TCHHL1: variants seen among roughly 807,000 people sequenced by gnomAD.
TCHHL1 encodes trichohyalin-like protein 1.
A neutral mutation model predicts 3.5 loss-of-function variants in TCHHL1; 1 was observed. The observed-to-expected ratio is 0.29, with a 90% CI of 0.10 to 1.36. The LOEUF is 1.36. Among genes scored for constraint, TCHHL1 ranks in the 40% most tolerant of loss-of-function variants. TCHHL1 has a pLI of 0.43. For missense variants in TCHHL1, 1,027 were observed against 1,032.8 expected (o/e 0.99, Z 0.08); for synonymous variants, 405 against 375.3 (o/e 1.08, Z -0.92).
At position 152,086,089 on chromosome 1, in the gene TCHHL1, C is replaced by A; in HGVS notation, c.1593G>T (p.Gln531His). The change falls in exon 3 of 3, where the codon CAG (glutamine) becomes CAT (histidine). Residue 531 changes from glutamine (Q) to histidine (H), a missense_variant. Transcript: ENST00000368806. ...TGAATGGTGACTCAGGGTCCTCCCC[C>A]TGGTAACCATCCTCCTCCTCAACTG... The part of the protein sequence containing the change: ...DQPVEEEDGY[Q>H]GEDPESPFTQ... 6.2e-7 allele frequency: 1 copy of A among 1,614,204 alleles called. No homozygotes were observed. The highest frequency in any genetic ancestry group is 1.3e-5 in the African/African-American group (1 of 75,050).
In TCHHL1 at chr1:152,086,293, T is replaced by C. The variant is rs1332316926; in HGVS notation, c.1389A>G (p.Ala463=). 6.2e-7 allele frequency: 1 copy of C among 1,614,258 alleles called. No individual in the cohort carries two copies. Among genetic ancestry groups the C allele is most frequent in the Non-Finnish European group, 8.5e-7 (1 of 1,180,048 alleles). Residue 463 remains alanine (A), a synonymous_variant, in exon 3 of 3, where the codon GCA becomes GCG. Transcript: ENST00000368806. ...TGTGTTCTGCCTCTTCTCCTGAGACTGCTGTTCCTTCAAGTTCAGGGTGAG... is the reference window on the plus strand; with the variant it reads ...TGTGTTCTGCCTCTTCTCCTGAGACCGCTGTTCCTTCAAGTTCAGGGTGAG... ...DQTHPELEGT[A]VSGEEAEHTK... is the part of the protein sequence containing the mutation.
chr1:152,087,096 T>C lies in TCHHL1; in HGVS notation c.586A>G (p.Ile196Val). Residue 196 changes from isoleucine to valine, a missense_variant, in exon 3 of 3, where the codon ATA becomes GTA. Around this residue, in one of 3 missense-constraint regions of TCHHL1, gnomAD observed 338 missense variants for 335.9 expected, o/e 1.01. Coordinates refer to ENST00000368806, the MANE Select transcript of TCHHL1 (RefSeq NM_001008536.2). ...CCTTCATTGTCTTCTGTTGTTTGTA[T>C]ATCTTGAGCCACTTCCTGACTTTGT... ...DEQSQEVAQD[I>V]QTTEDNEGQL... 6.2e-7 allele frequency: 1 copy of C among 1,614,220 alleles called. No homozygotes were observed.
intron 1 of TCHHL1, among the ~76,000 whole-genome samples, chr1:152,088,747 C>T (rs1231174906): frequency 2.0e-5 from 3 of 152,148 alleles, no homozygotes; most frequent in Non-Finnish European, 4.4e-5. Flanking sequence ...AATGCTTCTA[C>T]ATTTTCATTG....
chr1:152,086,985 G>C lies in TCHHL1; in HGVS notation c.697C>G (p.Gln233Glu), dbSNP rs74129507. 2 of 1,613,772 alleles carry C rather than the reference G, an allele frequency of 1.2e-6. No individual in the cohort carries two copies. Among genetic ancestry groups the C allele is most frequent in the Non-Finnish European group, 1.7e-6 (2 of 1,179,986 alleles). Residue 233 changes from glutamine to glutamate, a missense_variant, in exon 3 of 3, where the codon CAG becomes GAG. Coordinates refer to ENST00000368806, the MANE Select transcript of TCHHL1 (RefSeq NM_001008536.2). ...TCTCTGGCTGGTTCATCTCCTTCCTGGGAGATCTCCTTATCTTGTCCCTTC... is the reference window on the plus strand; with the variant it reads ...TCTCTGGCTGGTTCATCTCCTTCCTCGGAGATCTCCTTATCTTGTCCCTTC... ...ERKGQDKEIS[Q>E]EGDEPAREQS...
chr1:152,084,557 C>T lies in TCHHL1; in HGVS notation c.*410G>A, dbSNP rs998361241. ...AGGAAATGTCATGAAGCAGAGTAAT[C>T]TATATATATGAATTAATATTTTATG... is the stretch of plus-strand genomic sequence containing the variant. On this transcript the variant is annotated 3_prime_UTR_variant, in exon 3 of 3. Transcript: ENST00000368806. 1.3e-5 allele frequency: 2 copies of T among 156,342 alleles called. No homozygotes were observed. Among genetic ancestry groups the T allele is most frequent in the South Asian group, 2.0e-4 (1 of 5,110 alleles). The allele number at this position is 156,342 out of a possible 1,614,324, so 9.7% of individuals were successfully genotyped here. A position where few individuals can be genotyped will look rare whatever the true frequency, so the allele number is the denominator to read the frequency against.
Position 152,086,314 on chromosome 1 carries a change from G to T in TCHHL1, c.1368C>A (p.His456Gln). Residue 456 changes from histidine (H) to glutamine (Q), a missense_variant, in exon 3 of 3, where the codon CAC (histidine) becomes CAA (glutamine). Transcript: ENST00000368806. ...YLSSEGGDQTHPELEGTAVSG... is the reference protein window; with the variant it reads ...YLSSEGGDQTQPELEGTAVSG... ...AGACTGCTGTTCCTTCAAGTTCAGG[G>T]TGAGTCTGATCTCCTCCTTCTGAGC... is the stretch of plus-strand genomic sequence containing the variant. 1 of 1,614,136 alleles carries T rather than the reference G, an allele frequency of 6.2e-7. No homozygotes were observed. The highest frequency in any genetic ancestry group is 8.5e-7 in the Non-Finnish European group (1 of 1,180,034).
At position 152,084,433 on chromosome 1, in the gene TCHHL1, ATTTAC is replaced by A. The variant is rs1231077650; in HGVS notation, c.*529_*533del. On this transcript the variant is annotated 3_prime_UTR_variant, in exon 3 of 3. Transcript: ENST00000368806. ...CACCTGAACATGAGCAGAGTCATAA[ATTTAC>A]TTTAATCAAGTGCTAGAAAATCATA... 6.2e-6 allele frequency: 1 copy of A among 161,474 alleles called. No individual in the cohort carries two copies. The highest frequency in any genetic ancestry group is 1.5e-5 in the Non-Finnish European group (1 of 68,316). 10.0% of individuals were successfully genotyped at this position (161,474 alleles called of 1,614,324 possible). A position where few individuals can be genotyped will look rare whatever the true frequency, so the allele number is the denominator to read the frequency against.
rs145238234 is a variant in TCHHL1 at position 152,086,843 on chromosome 1, G to C, written c.839C>G (p.Thr280Arg). 2 of 1,613,944 alleles carry C rather than the reference G, an allele frequency of 1.2e-6. No individual in the cohort carries two copies. Among genetic ancestry groups the C allele is most frequent in the Non-Finnish European group, 1.7e-6 (2 of 1,180,014 alleles). The change falls in exon 3 of 3, where the codon ACA becomes AGA. Residue 280 changes from threonine to arginine, a missense_variant. By Grantham distance (71) the Thr-to-Arg change is moderately conservative (BLOSUM62 -1). This residue lies in a region of TCHHL1 where 338 missense variants were observed against 335.9 expected (regional missense o/e 1.01). Coordinates refer to ENST00000368806, the MANE Select transcript of TCHHL1 (RefSeq NM_001008536.2). ...QRPCEDQEVR[T>R]EKEKHSNIQE... is the part of the protein sequence containing the mutation. The stretch of plus-strand genomic sequence containing the variant: ...TATATTAGAGTGTTTTTCCTTTTCT[G>C]TTCTAACTTCCTGATCTTCACATGG...
At position 152,087,465 on chromosome 1, in the gene TCHHL1, A is replaced by AG. The variant is rs1657756114; in HGVS notation, c.216_217insC (p.Phe73LeufsTer15). 6 of 1,605,228 alleles carry AG rather than the reference A, an allele frequency of 3.7e-6. No individual in the cohort carries two copies. Among genetic ancestry groups the AG allele is most frequent in the Non-Finnish European group, 5.1e-6 (6 of 1,179,952 alleles). Reference sequence around the variant, plus strand: ...AACAAGTTGAAGATTGCAAGAACAAATTCATCAAAACTGATGATGCCATTA... The same window carrying AG: ...AACAAGTTGAAGATTGCAAGAACAAAGTTCATCAAAACTGATGATGCCATTA... On this transcript the variant is annotated frameshift_variant, in exon 3 of 3. Transcript: ENST00000368806. LOFTEE classifies it low-confidence loss of function (END_TRUNC).
In TCHHL1 at chr1:152,086,216, G is replaced by C. The variant is rs1165160649; in HGVS notation, c.1466C>G (p.Ala489Gly). 6.2e-7 allele frequency: 1 copy of C among 1,614,086 alleles called. No individual in the cohort carries two copies. Among genetic ancestry groups the C allele is most frequent in the African/African-American group, 1.3e-5 (1 of 74,922 alleles). The change falls in exon 3 of 3, where the codon GCA (alanine) becomes GGA (glycine). Residue 489 changes from alanine (A) to glycine (G), a missense_variant. By Grantham distance (60) the Ala-to-Gly change is moderately conservative. Coordinates refer to ENST00000368806, the MANE Select transcript of TCHHL1 (RefSeq NM_001008536.2). ...AFVNSKNAPA[A>G]ERTLGARERT... Reference sequence around the variant, plus strand: ...TTCTCTTGCCCCCAGTGTCCTTTCTGCTGCAGGTGCGTTTTTGCTGTTCAC... The same window carrying C: ...TTCTCTTGCCCCCAGTGTCCTTTCTCCTGCAGGTGCGTTTTTGCTGTTCAC...
At position 152,087,036 on chromosome 1, in the gene TCHHL1, T is replaced by C; in HGVS notation, c.646A>G (p.Lys216Glu). The C allele has an allele frequency of 6.2e-7, 1 of 1,614,168 alleles. No individual in the cohort carries two copies. The highest frequency in any genetic ancestry group is 8.5e-7 in the Non-Finnish European group (1 of 1,180,022). Reference sequence around the variant, plus strand: ...CTCTCTGTGGGACTGCTGGTCTTTTTTGATCCTGCCATTGGCTTATTTGTC... The same window carrying C: ...CTCTCTGTGGGACTGCTGGTCTTTTCTGATCCTGCCATTGGCTTATTTGTC... ...LKTNKPMAGS[K>E]KTSSPTERKG... The change falls in exon 3 of 3, where the codon AAA (lysine) becomes GAA (glutamate). Residue 216 changes from lysine to glutamate, a missense_variant. Around this residue, in one of 3 missense-constraint regions of TCHHL1, gnomAD observed 338 missense variants for 335.9 expected, o/e 1.01. Coordinates refer to ENST00000368806, the MANE Select transcript of TCHHL1 (RefSeq NM_001008536.2).
chr1:152,087,916 A>G, intron 2 of TCHHL1, 90 bp downstream of exon 2: 1 of 1,463,384 alleles, frequency 6.8e-7, no homozygotes, highest in South Asian at 1.5e-5. Flanking sequence ...CTAGGTGTAA[A>G]ATGGATGGGG....
chr1:152,088,251 T>C, intron 1 of TCHHL1, 88 bp from the exon 2 acceptor site: 1 of 1,168,614 alleles, frequency 8.6e-7, no homozygotes, highest in Non-Finnish European at 1.2e-6. Context: ...TCCTCCCCCA[T>C]CTCCACTGCA....
Position 152,085,509 on chromosome 1 carries a change from C to G in TCHHL1, c.2173G>C (p.Asp725His). The G allele has an allele frequency of 6.2e-7, 1 of 1,614,202 alleles. No homozygotes were observed. The highest frequency in any genetic ancestry group is 8.5e-7 in the Non-Finnish European group (1 of 1,180,042). Residue 725 changes from aspartate (D) to histidine (H), a missense_variant, in exon 3 of 3, where the codon GAT becomes CAT. By Grantham distance (81) the Asp-to-His change is moderately conservative. Transcript: ENST00000368806. ...TTGAGGGAGGCTGAATTGTCCTCATCTAGACTTTCTAACAGAGTATTCTGG... is the reference window on the plus strand; with the variant it reads ...TTGAGGGAGGCTGAATTGTCCTCATGTAGACTTTCTAACAGAGTATTCTGG... ...EAQNTLLESL[D>H]EDNSASLKIQ...
chr1:152,085,834 T>A lies in TCHHL1; in HGVS notation c.1848A>T (p.Gly616=). ...ALEAVVPAVR[G]EDVQLTEDQE... is the part of the protein sequence containing the mutation. ...GGTCCTCTGTGAGCTGTACATCCTC[T>A]CCTCTGACTGCTGGTACCACTGCCT... The change falls in exon 3 of 3, where the codon GGA becomes GGT. Residue 616 remains glycine, a synonymous_variant. Transcript: ENST00000368806. 1 of 1,614,186 alleles carries A rather than the reference T, an allele frequency of 6.2e-7. No homozygotes were observed. Among genetic ancestry groups the A allele is most frequent in the Non-Finnish European group, 8.5e-7 (1 of 1,180,030 alleles).
Position 152,085,235 on chromosome 1 carries a change from G to A in TCHHL1, c.2447C>T (p.Thr816Ile), listed in dbSNP as rs752221567. The part of the protein sequence containing the change: ...QEKILQQTNV[T>I]QEEHQKQVQI... ...AACTTGCTTTTGATGCTCCTCTTGG[G>A]TTACATTTGTTTGCTGCAGTATCTT... is the stretch of plus-strand genomic sequence containing the variant. The change falls in exon 3 of 3, where the codon ACC becomes ATC. Residue 816 changes from threonine to isoleucine, a missense_variant. Thr to Ile is a moderately conservative substitution (Grantham distance 89). Coordinates refer to ENST00000368806, the MANE Select transcript of TCHHL1 (RefSeq NM_001008536.2). 2.5e-6 allele frequency: 4 copies of A among 1,614,200 alleles called. No homozygotes were observed. The highest frequency in any genetic ancestry group is 1.7e-6 in the Non-Finnish European group (2 of 1,180,046).
chr1:152,085,438 A>T lies in TCHHL1; in HGVS notation c.2244T>A (p.Asp748Glu), dbSNP rs140803281. 3 of 1,614,052 alleles carry T rather than the reference A, an allele frequency of 1.9e-6. No homozygotes were observed. Among genetic ancestry groups the T allele is most frequent in the South Asian group, 1.1e-5 (1 of 91,082 alleles). ...CTCCTGCCAGCTCTTGGGGACTTTC[A>T]TCTTCCTCCTCTGATGTTACAGGTT... ...TKEPVTSEEE[D>E]ESPQELAGEG... is the part of the protein sequence containing the mutation. Residue 748 changes from aspartate to glutamate, a missense_variant, in exon 3 of 3, where the codon GAT becomes GAA. By Grantham distance (45) the Asp-to-Glu change is conservative. Transcript: ENST00000368806.
chr1:152,087,637 C>CA, intron 2 of TCHHL1, 94 bp from the exon 3 acceptor site: 1 of 1,298,628 alleles, frequency 7.7e-7, no homozygotes, highest in Non-Finnish European at 1.0e-6. Flanking sequence ...CCTCATTCCT[C>CA]AGTAACTGGT....
Position 152,084,698 on chromosome 1 carries a change from A to C in TCHHL1, c.*269T>G, listed in dbSNP as rs1353624798. The C allele has an allele frequency of 1.2e-5, 4 of 342,128 alleles. No homozygotes were observed. Among genetic ancestry groups the C allele is most frequent in the African/African-American group, 6.3e-5 (3 of 47,292 alleles). 21.2% of individuals were successfully genotyped at this position (342,128 alleles called of 1,614,324 possible). A position where few individuals can be genotyped will look rare whatever the true frequency, so the allele number is the denominator to read the frequency against. ...ATATGGAAGGAATTTTTCCATTTTT[A>C]ATGACAGGTACATTGAGATAAACTG... On this transcript the variant is annotated 3_prime_UTR_variant, in exon 3 of 3. Transcript: ENST00000368806.
Sources: allele counts gnomAD v4.1 joint callset (sites outside exome capture counted in the v4.1 genomes callset), GRCh38; gene constraint gnomAD v4.1.1; regional missense constraint gnomAD v4.1.1; transcripts MANE v1.5; gene names NCBI Gene and HGNC (gene_info 2026-07-23, HGNC 2026-07-21).